Variants in GRN observed in about 807,000 individuals in gnomAD.
GRN encodes the protein granulin precursor.
Under a neutral mutation model 66.7 loss-of-function variants are expected in GRN, and 30 were observed. The ratio of observed to expected loss-of-function variants is 0.45; its 90% CI spans 0.34 to 0.61. The LOEUF is 0.61. Among genes scored for constraint, GRN ranks in the 20% least tolerant of loss-of-function variants. The pLI, the probability that GRN is intolerant of heterozygous loss-of-function variation, is 0.01. For missense variants in GRN, 731 were observed against 803.5 expected (o/e 0.91, Z 1.09); for synonymous variants, 327 against 311.1 (o/e 1.05, Z -0.54).
At chr17:44,349,061 G>A (rs765869346) in intron 1 of GRN, 97 bp from the exon 2 acceptor site, 29 of 1,360,814 alleles carry the variant, frequency 2.1e-5, no homozygotes, top group Middle Eastern at 1.9e-4. Context: ...GCAGTCCTGG[G>A]CCAGGACCTT....
intron 1 of GRN, among the ~76,000 whole-genome samples, chr17:44,348,947 G>A (rs1015397306): frequency 4.7e-4 from 72 of 152,364 alleles, no homozygotes; most frequent in African/African-American, 1.6e-3. Flanking sequence ...TTACAGGTCC[G>A]CACATGCTGG....
intron 1 of GRN, among the ~76,000 whole-genome samples, chr17:44,348,503 G>GTGTCCT (rs1275696339): frequency 6.6e-6 from 1 of 152,242 alleles, no homozygotes; most frequent in East Asian, 1.9e-4. Flanking sequence ...CCCAGCTTCT[G>GTGTCCT]TGTCCTTTTC....
At position 44,352,089 on chromosome 17, in the gene GRN, A is replaced by C; in HGVS notation, c.1254A>C (p.Arg418=). 1.9e-6 allele frequency: 3 copies of C among 1,613,670 alleles called. No individual in the cohort carries two copies. The highest frequency in any genetic ancestry group is 2.5e-6 in the Non-Finnish European group (3 of 1,179,920). The change falls in exon 11 of 13, where the codon CGA becomes CGC. Residue 418 remains arginine, a synonymous_variant. Transcript: ENST00000053867. ...GTGTAGCTGAGGGGCAGTGTCAGCG[A>C]GGAAGCGAGATCGTGGCTGGACTGG... ...YTCVAEGQCQ[R]GSEIVAGLEK...
chr17:44,345,839 A>G (rs1226850935), intron 1 of GRN: 1 of 152,200 alleles, frequency 6.6e-6, no homozygotes, highest in African/African-American at 2.4e-5. Flanking sequence ...TCTCCCAGCC[A>G]CTTTTTCCTG....
At chr17:44,346,369 G>A (rs1343897829) in intron 1 of GRN, 1 of 152,482 alleles carries the variant, frequency 6.6e-6, no homozygotes, top group African/African-American at 2.4e-5. Context: ...AGGTGGAGCA[G>A]AGAGGATGTG....
At position 44,352,136 on chromosome 17, in the gene GRN, C is replaced by T. The variant is rs749683591; in HGVS notation, c.1301C>T (p.Ala434Val). Reference protein sequence around the residue: ...AGLEKMPARRASLSHPRDIGC... With the variant: ...AGLEKMPARRVSLSHPRDIGC... ...CTGGAGAAGATGCCTGCCCGCCGGG[C>T]TTCCTTATCCCACCCCAGAGACATC... The change falls in exon 11 of 13, where the codon GCT (alanine) becomes GTT (valine). Residue 434 changes from alanine (A) to valine (V), a missense_variant. Around this residue, in one of 3 missense-constraint regions of GRN, gnomAD observed 319 missense variants for 347.2 expected, o/e 0.92. Coordinates refer to ENST00000053867, the MANE Select transcript of GRN (RefSeq NM_002087.4). The T allele has an allele frequency of 1.2e-6, 2 of 1,613,850 alleles. No homozygotes were observed. Among genetic ancestry groups the T allele is most frequent in the Non-Finnish European group, 1.7e-6 (2 of 1,179,940 alleles).
At chr17:44,349,080 G>A in intron 1 of GRN, 78 bp from the exon 2 acceptor site, 2 of 1,497,268 alleles carry the variant, frequency 1.3e-6, no homozygotes, top group Non-Finnish European at 1.9e-6. Context: ...TTGGCCTGGG[G>A]CTAGGGTACT....
intron 7 of GRN, 106 bp from the exon 8 acceptor site, chr17:44,350,931 G>A: frequency 7.0e-7 from 1 of 1,422,914 alleles, no homozygotes. Context: ...CAGGGTTCAT[G>A]CTACCCCCTA....
intron 4 of GRN, 106 bp downstream of exon 4, chr17:44,349,857 T>C: frequency 2.6e-6 from 2 of 768,148 alleles, no homozygotes; most frequent in East Asian, 5.3e-5. Context: ...CCTTGTGCCC[T>C]CATTCATGTG....
In GRN at chr17:44,349,280, A is replaced by G; in HGVS notation, c.116A>G (p.Tyr39Cys). Residue 39 changes from tyrosine (Y) to cysteine (C), a missense_variant, in exon 2 of 13, where the codon TAC becomes TGC. By Grantham distance (194) the Tyr-to-Cys change is radical. This residue lies in a region of GRN where 370 missense variants were observed against 379.8 expected (regional missense o/e 0.97). Transcript: ENST00000053867. ...TGCCTGGACCCCGGAGGAGCCAGCT[A>G]CAGCTGCTGCCGTCCCCTTCTGGTG... ...ACCLDPGGAS[Y>C]SCCRPLLDKW... is the part of the protein sequence containing the mutation. 1 of 1,613,972 alleles carries G rather than the reference A, an allele frequency of 6.2e-7. No homozygotes were observed. The highest frequency in any genetic ancestry group is 8.5e-7 in the Non-Finnish European group (1 of 1,180,034).
At position 44,352,648 on chromosome 17, in the gene GRN, T is replaced by G. The variant is rs746757416; in HGVS notation, c.1645-13T>G. ...ACCTCGTCCAACCCTCTCGCCCCCC[T>G]CTGACCATCCAGGGCGTCTGTTGTG... On this transcript the variant is annotated splice_polypyrimidine_tract_variant and intron_variant, in intron 12 of 12. Coordinates refer to ENST00000053867, the MANE Select transcript of GRN (RefSeq NM_002087.4). 7 of 1,609,840 alleles carry G rather than the reference T, an allele frequency of 4.3e-6. No homozygotes were observed. In the Admixed American group the frequency reaches 1.2e-4, roughly 27 times the overall value.
chr17:44,350,607 G>A (rs941708361), intron 6 of GRN, 30 bp downstream of exon 6: 1 of 1,612,988 alleles, frequency 6.2e-7, no homozygotes, highest in South Asian at 1.1e-5. Flanking sequence ...TCAGGCCAGG[G>A]GCTGGGGCGG....
At chr17:44,351,953 G>A in intron 10 of GRN, 62 bp from the exon 11 acceptor site, 1 of 1,488,760 alleles carries the variant, frequency 6.7e-7, no homozygotes, top group South Asian at 1.1e-5. Context: ...GAGTAGGTAG[G>A]GGCTCGGCAC....
chr17:44,350,176 G>A (rs115172611), intron 4 of GRN, 52 bp from the exon 5 acceptor site: 2 of 1,231,560 alleles, frequency 1.6e-6, no homozygotes, highest in South Asian at 1.2e-5. Context: ...TGTGATGGGG[G>A]AGTCACCTTC....
Position 44,349,669 on chromosome 17 carries a change from C to T in GRN, c.267C>T (p.Ala89=), listed in dbSNP as rs201699327. 428 of 1,612,530 alleles carry T rather than the reference C, an allele frequency of 2.7e-4. 7 individuals carry two copies. The South Asian group carries it at 4.3e-3, about 16-fold the overall frequency. Residue 89 remains alanine, a splice_region_variant and synonymous_variant, in exon 4 of 13, where the codon GCC becomes GCT. Transcript: ENST00000053867. ...GCAGGTTTCTCTGTGTTCCACAGGC[C>T]GTGGCATGCGGGGATGGCCATCACT... ...GTSSCCPFPE[A]VACGDGHHCC...
rs149023078 is a variant in GRN at position 44,351,728 on chromosome 17, G to C, written c.1112G>C (p.Ser371Thr). The change falls in exon 10 of 13, where the codon AGC becomes ACC. Residue 371 changes from serine to threonine, a missense_variant. By Grantham distance (58) the Ser-to-Thr change is moderately conservative. Coordinates refer to ENST00000053867, the MANE Select transcript of GRN (RefSeq NM_002087.4). ...KRDVPCDNVS[S>T]CPSSDTCCQL... ...GATGTCCCCTGTGATAATGTCAGCA[G>C]CTGTCCCTCCTCCGATACCTGCTGC... The C allele has an allele frequency of 2.7e-5, 44 of 1,613,814 alleles. No homozygotes were observed. Among genetic ancestry groups the C allele is most frequent in the Admixed American group, 6.7e-5 (4 of 60,024 alleles).
Position 44,352,644 on chromosome 17 carries a change from C to T in GRN, c.1645-17C>T, listed in dbSNP as rs1436563338. The T allele has an allele frequency of 1.2e-6, 2 of 1,609,936 alleles. No individual in the cohort carries two copies. Among genetic ancestry groups the T allele is most frequent in the Non-Finnish European group, 1.7e-6 (2 of 1,180,010 alleles). On this transcript the variant is annotated splice_polypyrimidine_tract_variant and intron_variant, in intron 12 of 12. Transcript: ENST00000053867. ...TCCCACCTCGTCCAACCCTCTCGCC[C>T]CCCTCTGACCATCCAGGGCGTCTGT...
Position 44,349,466 on chromosome 17 carries a change from C to T in GRN, c.179C>T (p.Pro60Leu). 6.2e-7 allele frequency: 1 copy of T among 1,614,132 alleles called. No individual in the cohort carries two copies. Among genetic ancestry groups the T allele is most frequent in the Admixed American group, 1.7e-5 (1 of 60,032 alleles). Reference protein sequence around the residue: ...PTTLSRHLGGPCQVDAHCSAG... With the variant: ...PTTLSRHLGGLCQVDAHCSAG... ...ACACTGAGCAGGCATCTGGGTGGCC[C>T]CTGCCAGGTTGATGCCCACTGCTCT... is the stretch of plus-strand genomic sequence containing the variant. The change falls in exon 3 of 13, where the codon CCC (proline) becomes CTC (leucine). Residue 60 changes from proline to leucine, a missense_variant. Around this residue, in one of 3 missense-constraint regions of GRN, gnomAD observed 370 missense variants for 379.8 expected, o/e 0.97. Coordinates refer to ENST00000053867, the MANE Select transcript of GRN (RefSeq NM_002087.4).
chr17:44,345,753 T>C (rs1405391252), intron 1 of GRN: 1 of 152,240 alleles, frequency 6.6e-6, no homozygotes, highest in Non-Finnish European at 1.5e-5. Flanking sequence ...TAGTAGGGAC[T>C]TGGGAGTGGT....
Sources: gnomAD v4.1 joint callset for allele counts (sites outside exome capture counted in the v4.1 genomes callset) on GRCh38, gnomAD v4.1.1 for gene constraint, gnomAD v4.1.1 regional missense constraint, MANE v1.5 for transcripts, NCBI Gene and HGNC (gene_info 2026-07-23, HGNC 2026-07-21) for gene names.